WDR91: variants seen among roughly 807,000 people sequenced by gnomAD.
WDR91 encodes the protein WD repeat domain 91, also known as WD repeat-containing protein 91.
Under a neutral mutation model 88.4 loss-of-function variants are expected in WDR91, and 52 were observed. The ratio of observed to expected loss-of-function variants is 0.59; its 90% CI spans 0.47 to 0.74. The LOEUF is 0.74. Ranked by LOEUF, WDR91 falls within the 30% of genes least tolerant of loss-of-function variation. The pLI is 0.00. For synonymous variants in WDR91, 362 were observed against 389.5 expected (o/e 0.93, Z 0.83); for missense variants, 824 against 954.5 (o/e 0.86, Z 1.80).
chr7:135,201,906 G>T (rs1831586872), intron 6 of WDR91, among the ~76,000 whole-genome samples: 1 of 152,184 alleles, frequency 6.6e-6, no homozygotes, highest in Non-Finnish European at 1.5e-5. Context: ...GTAATAGCGG[G>T]ATTGAAACAT....
At chr7:135,186,873 G>A (rs1011913268) in intron 14 of WDR91, 99 bp downstream of exon 14, 18 of 1,398,336 alleles carry the variant, frequency 1.3e-5, no homozygotes, top group East Asian at 4.6e-5. Flanking sequence ...CATGCAGCTC[G>A]GGGTAGAGGG....
rs1416116225 is a variant in WDR91, at chr7:135,207,219, A to T, written c.512-17T>A. The stretch of plus-strand genomic sequence containing the variant: ...CAGGGACTGGTGCACGAAGTTAAAG[A>T]ATAAGCCAGCCCCTGAAATGTTTAA... On this transcript the variant is annotated splice_polypyrimidine_tract_variant and intron_variant, in intron 3 of 14. Transcript: ENST00000354475. 1 of 1,595,398 alleles carries T rather than the reference A, an allele frequency of 6.3e-7. No individual in the cohort carries two copies. The highest frequency in any genetic ancestry group is 1.3e-5 in the African/African-American group (1 of 74,366).
Position 135,193,327 on chromosome 7 carries a change from G to C in WDR91, c.1563C>G (p.Ser521=). The change falls in exon 11 of 15, where the codon TCC becomes TCG. Residue 521 remains serine, a synonymous_variant. Coordinates refer to ENST00000354475, the MANE Select transcript of WDR91 (RefSeq NM_014149.4). Reference sequence around the variant, plus strand: ...TGTCTGGTGCTGAGAAGTCCACCTGGGAAGTGAGGCTCGGAGCTGCTGCCG... The same window carrying C: ...TGTCTGGTGCTGAGAAGTCCACCTGCGAAGTGAGGCTCGGAGCTGCTGCCG... ...VCSAAAPSLT[S]QVDFSAPDIG... 1 of 1,614,212 alleles carries C rather than the reference G, an allele frequency of 6.2e-7. No homozygotes were observed. Among genetic ancestry groups the C allele is most frequent in the Non-Finnish European group, 8.5e-7 (1 of 1,180,040 alleles).
intron 13 of WDR91, 65 bp from the exon 14 acceptor site, chr7:135,187,234 AG>A (rs1354740097): frequency 3.2e-6 from 5 of 1,559,814 alleles, no homozygotes; most frequent in Middle Eastern, 2.1e-4. Context: ...CTCAAGGAAG[AG>A]CCAGGACCCA....
chr7:135,206,066 G>C lies in WDR91; in HGVS notation c.595-8C>G. ...AGCTTGCAATGCAAAAAGCTATACA[G>C]GGGTGGGACTGAGTTAGCCAATGAT... is the stretch of plus-strand genomic sequence containing the variant. On this transcript the variant is annotated splice_region_variant and splice_polypyrimidine_tract_variant and intron_variant, in intron 4 of 14. Coordinates refer to ENST00000354475, the MANE Select transcript of WDR91 (RefSeq NM_014149.4). 1 of 1,614,140 alleles carries C rather than the reference G, an allele frequency of 6.2e-7. No homozygotes were observed. The highest frequency in any genetic ancestry group is 8.5e-7 in the Non-Finnish European group (1 of 1,180,020).
At chr7:135,193,205 G>C (rs1831233367) in intron 11 of WDR91, 26 bp downstream of exon 11, 1 of 1,610,642 alleles carries the variant, frequency 6.2e-7, no homozygotes, top group Non-Finnish European at 8.5e-7. Flanking sequence ...CCTGGCCCCA[G>C]AGAGAGCCAC....
chr7:135,191,706 A>G (rs1183183476), intron 11 of WDR91, among the ~76,000 whole-genome samples: 3 of 151,928 alleles, frequency 2.0e-5, no homozygotes, highest in Non-Finnish European at 4.4e-5. Context: ...GCTACACAAG[A>G]GCTAAAAAGT....
rs765441194 is a variant in WDR91, at chr7:135,211,484, G to C, written c.19C>G (p.Arg7Gly). The C allele has an allele frequency of 2.5e-6, 4 of 1,611,540 alleles. No individual in the cohort carries two copies. Among genetic ancestry groups the C allele is most frequent in the Non-Finnish European group, 2.5e-6 (3 of 1,179,048 alleles). MAEAVE[R>G]TDELVREYLL... The stretch of plus-strand genomic sequence containing the variant: ...TACTCCCGGACCAGCTCGTCAGTGC[G>C]CTCCACGGCCTCCGCCATCGCAGCG... The change falls in exon 1 of 15, where the codon CGC (arginine) becomes GGC (glycine). Residue 7 changes from arginine to glycine, a missense_variant. By Grantham distance (125) the Arg-to-Gly change is moderately radical (BLOSUM62 -2). Coordinates refer to ENST00000354475, the MANE Select transcript of WDR91 (RefSeq NM_014149.4).
intron 6 of WDR91, among the ~76,000 whole-genome samples, chr7:135,202,637 G>C (rs949769249): frequency 1.3e-5 from 2 of 152,178 alleles, no homozygotes; most frequent in African/African-American, 4.8e-5. Flanking sequence ...CACAGAAGCT[G>C]TCTCTATGTT....
intron 6 of WDR91, 97 bp downstream of exon 6, chr7:135,204,171 A>T (rs1292655681): frequency 1.4e-6 from 2 of 1,413,034 alleles, no homozygotes; most frequent in East Asian, 4.7e-5. Context: ...TCCTAAAAGG[A>T]GGGCAAACAA....
chr7:135,186,161 TG>T lies in WDR91; in HGVS notation c.2233del (p.His745IlefsTer40). 1 of 1,596,568 alleles carries T rather than the reference TG, an allele frequency of 6.3e-7. No homozygotes were observed. Among genetic ancestry groups the T allele is most frequent in the Non-Finnish European group, 8.5e-7 (1 of 1,173,424 alleles). ...GKIKLTTLLAHKA is the reference protein window; with the variant it reads ...GKIKLTTLLAXKA ...CCTTGGGGCAAGTCATCAGGCTTTA[TG>T]GGCCAGGAGGGTGGTCAGCTTGATC... is the stretch of plus-strand genomic sequence containing the variant. On this transcript the variant is annotated frameshift_variant, in exon 15 of 15. Transcript: ENST00000354475. LOFTEE classifies it high-confidence loss of function.
intron 11 of WDR91, among the ~76,000 whole-genome samples, chr7:135,192,162 G>A (rs962177632): frequency 7.1e-6 from 1 of 141,844 alleles, no homozygotes; most frequent in Non-Finnish European, 1.5e-5. Context: ...CTGTCACCCA[G>A]GCTGGAATAC....
rs543334699 is a variant in WDR91, at chr7:135,209,651, C to G, written c.228G>C (p.Leu76Phe). 1.9e-6 allele frequency: 3 copies of G among 1,613,604 alleles called. No homozygotes were observed. Among genetic ancestry groups the G allele is most frequent in the South Asian group, 1.1e-5 (1 of 90,936 alleles). The change falls in exon 2 of 15, where the codon TTG (leucine) becomes TTC (phenylalanine). Residue 76 changes from leucine (L) to phenylalanine (F), a missense_variant. Coordinates refer to ENST00000354475, the MANE Select transcript of WDR91 (RefSeq NM_014149.4). ...GGATTGTGGGTCTGTATATATCCTC[C>G]AAGCGGCTGAAGAGCCGACGCTCCA... Reference protein sequence around the residue: ...SYLERRLFSRLEDIYRPTIHK... With the variant: ...SYLERRLFSRFEDIYRPTIHK...
At chr7:135,207,454 A>G in intron 3 of WDR91, 1 of 488,588 alleles carries the variant, frequency 2.0e-6, no homozygotes, top group Non-Finnish European at 4.0e-6. Flanking sequence ...CAGCCCACAG[A>G]GGGGACATAA....
At chr7:135,193,116 C>A (rs1160149698) in intron 11 of WDR91, 115 bp downstream of exon 11, 1 of 1,450,108 alleles carries the variant, frequency 6.9e-7, no homozygotes. Context: ...ACACTCAAAA[C>A]TTTATTAAAA....
intron 14 of WDR91, 28 bp from the exon 15 acceptor site, chr7:135,186,343 G>A: frequency 6.2e-7 from 1 of 1,604,940 alleles, no homozygotes. Flanking sequence ...AGAGGAGGAG[G>A]TGTCAGCAAA....
rs898003579 is a variant in WDR91 at position 135,186,091 on chromosome 7, A to G, written c.*60T>C. 1.3e-5 allele frequency: 20 copies of G among 1,516,998 alleles called. 1 individual carries two copies. The South Asian group carries it at 2.1e-4, about 16-fold the overall frequency. The allele number at this position is 1,516,998 out of a possible 1,614,324, so 94.0% of individuals were successfully genotyped here. ...GTGGAGCACGTGGTTTTCCTGTCCT[A>G]TATCTCCTCCCCCCACCGCAGATAA... is the stretch of plus-strand genomic sequence containing the variant. On this transcript the variant is annotated 3_prime_UTR_variant, in exon 15 of 15. Transcript: ENST00000354475.
At chr7:135,206,195 C>A (rs1831773186) in intron 4 of WDR91, 137 bp from the exon 5 acceptor site, 1 of 1,095,480 alleles carries the variant, frequency 9.1e-7, no homozygotes, top group Admixed American at 2.0e-5. Context: ...CCATCTCACT[C>A]TGCTCACTGC....
intron 1 of WDR91, chr7:135,211,012 T>C (rs1831996431): frequency 1.5e-6 from 1 of 671,658 alleles, no homozygotes; most frequent in South Asian, 1.6e-5. Context: ...TTGCTTCCAC[T>C]GCCACTGGAA....
Sources: allele counts gnomAD v4.1 joint callset (sites outside exome capture counted in the v4.1 genomes callset), GRCh38; gene constraint gnomAD v4.1.1; transcripts MANE v1.5; gene names NCBI Gene and HGNC (gene_info 2026-07-23, HGNC 2026-07-21).